Variants in IPO9 observed in about 807,000 individuals in gnomAD.
IPO9 encodes the protein importin-9.
A neutral mutation model predicts 128.6 loss-of-function variants in IPO9; 28 were observed. The observed-to-expected ratio is 0.22, with a 90% CI of 0.16 to 0.30. The LOEUF is 0.30. IPO9 is among the 10% of genes least tolerant of loss of function. The pLI, the probability that IPO9 is intolerant of heterozygous loss-of-function variation, is 1.00. For synonymous variants in IPO9, 455 were observed against 475.8 expected, an observed-to-expected ratio of 0.96 and a Z score of 0.57; for missense variants, 935 against 1,293.9, an observed-to-expected ratio of 0.72 and a Z score of 4.26.
At position 201,881,602 on chromosome 1, in the gene IPO9, G is replaced by A. The variant is rs952782376; in HGVS notation, c.*5548G>A. 1.3e-5 allele frequency: 2 copies of A among 152,196 alleles called. No homozygotes were observed. The highest frequency in any genetic ancestry group is 2.9e-5 in the Non-Finnish European group (2 of 68,044). The allele number at this position is 152,196 out of a possible 1,614,324, so 9.4% of individuals were successfully genotyped here. A position where few individuals can be genotyped will look rare whatever the true frequency, so the allele number is the denominator to read the frequency against. On this transcript the variant is annotated 3_prime_UTR_variant, in exon 24 of 24. Coordinates refer to ENST00000361565, the MANE Select transcript of IPO9 (RefSeq NM_018085.5). ...AATAAAGCTGGAAGGACAAGTGGGG[G>A]GCAGATTGTGAAGGATCCTTCAAGA...
At chr1:201,832,371 GCCT>G (rs1238759261) in intron 1 of IPO9, among the ~76,000 whole-genome samples, 1 of 151,534 alleles carries the variant, frequency 6.6e-6, no homozygotes, top group Non-Finnish European at 1.5e-5. Context: ...CAATTCTCGT[GCCT>G]CAGCCTCCCA....
Position 201,858,481 on chromosome 1 carries a change from C to T in IPO9, c.1256C>T (p.Ala419Val). ...ACAGATTTCCAGAATGAAAGTGCAG[C>T]AGCCCTGGCTGCTGCAGCCACTCGA... ...VATDFQNESAAALAAAATRHL... is the reference protein window; with the variant it reads ...VATDFQNESAVALAAAATRHL... The change falls in exon 12 of 24, where the codon GCA becomes GTA. Residue 419 changes from alanine to valine, a missense_variant. Transcript: ENST00000361565. 3 of 1,588,408 alleles carry T rather than the reference C, an allele frequency of 1.9e-6. No individual in the cohort carries two copies. Among genetic ancestry groups the T allele is most frequent in the Admixed American group, 1.9e-5 (1 of 52,636 alleles).
chr1:201,867,000 A>G, intron 15 of IPO9, 41 bp downstream of exon 15: 3 of 1,485,008 alleles, frequency 2.0e-6, no homozygotes, highest in Non-Finnish European at 2.8e-6. Context: ...GGCACCAAAG[A>G]AAAGGTGGTG....
chr1:201,872,733 A>AT, intron 19 of IPO9, 95 bp from the exon 20 acceptor site: 8 of 1,384,542 alleles, frequency 5.8e-6, no homozygotes, highest in Non-Finnish European at 6.8e-6. Flanking sequence ...AATTTTCACT[A>AT]TCAAATAGAG....
In IPO9 at chr1:201,868,700, T is replaced by G. The variant is rs200854878; in HGVS notation, c.1908T>G (p.Ile636Met). Residue 636 changes from isoleucine to methionine, a missense_variant, in exon 16 of 24, where the codon ATT becomes ATG. By Grantham distance (10) the Ile-to-Met change is conservative. Transcript: ENST00000361565. ...ACATCTTCAAGGAGCTGTCCCAGAT[T>G]GAAGCCTGTCAGGGCCCAATGCAAA... ...AQDIFKELSQIEACQGPMQMR... is the reference protein window; with the variant it reads ...AQDIFKELSQMEACQGPMQMR... The G allele has an allele frequency of 6.2e-7, 1 of 1,614,044 alleles. No homozygotes were observed. The highest frequency in any genetic ancestry group is 1.3e-5 in the African/African-American group (1 of 75,026).
At chr1:201,864,709 T>C (rs934798502) in intron 14 of IPO9, among the ~76,000 whole-genome samples, 1 of 152,210 alleles carries the variant, frequency 6.6e-6, no homozygotes, top group Non-Finnish European at 1.5e-5. Flanking sequence ...TAGACAGCAG[T>C]ACCTATCAGG....
intron 1 of IPO9, among the ~76,000 whole-genome samples, chr1:201,846,219 C>T (rs1341270854): frequency 6.6e-6 from 1 of 152,196 alleles, no homozygotes; most frequent in East Asian, 1.9e-4. Flanking sequence ...TTATTGGAAA[C>T]TACTCATTTG....
At chr1:201,874,739 C>G (rs974200507) in intron 21 of IPO9, 93 bp from the exon 22 acceptor site, 22 of 851,514 alleles carry the variant, frequency 2.6e-5, no homozygotes, top group African/African-American at 1.8e-4. Flanking sequence ...ATTGCAGAAG[C>G]CTTTGGGGCC....
Position 201,852,150 on chromosome 1 carries a change from T to C in IPO9, c.561T>C (p.Pro187=). ...VTDTQMPLVA[P]VILPEMYKIF... ...ACACACAGATGCCACTTGTTGCTCCTGTCATTCTCCCAGAGATGTATAAGA... is the reference window on the plus strand; with the variant it reads ...ACACACAGATGCCACTTGTTGCTCCCGTCATTCTCCCAGAGATGTATAAGA... The change falls in exon 5 of 24, where the codon CCT becomes CCC. Residue 187 remains proline, a synonymous_variant. Coordinates refer to ENST00000361565, the MANE Select transcript of IPO9 (RefSeq NM_018085.5). The C allele has an allele frequency of 1.2e-6, 2 of 1,613,502 alleles. No individual in the cohort carries two copies. Among genetic ancestry groups the C allele is most frequent in the African/African-American group, 1.3e-5 (1 of 75,046 alleles).
At chr1:201,838,016 G>A (rs1679969258) in intron 1 of IPO9, among the ~76,000 whole-genome samples, 1 of 152,206 alleles carries the variant, frequency 6.6e-6, no homozygotes, top group Admixed American at 6.5e-5. Flanking sequence ...GTTGCGGTGA[G>A]CTGAGATTGC....
In IPO9 at chr1:201,855,130, G is replaced by A; in HGVS notation, c.918G>A (p.Val306=). The A allele has an allele frequency of 6.3e-7, 1 of 1,586,550 alleles. No individual in the cohort carries two copies. The highest frequency in any genetic ancestry group is 8.7e-7 in the Non-Finnish European group (1 of 1,155,854). Reference sequence around the variant, plus strand: ...TCTTTACTCTTCATCATACTTATGTGAGGACAGAAGTAAATTACACAGAAG... The same window carrying A: ...TCTTTACTCTTCATCATACTTATGTAAGGACAGAAGTAAATTACACAGAAG... ...NTLTESAAFY[V]RTEVNYTEEV... The change falls in exon 9 of 24, where the codon GTG becomes GTA. Residue 306 remains valine (V), a synonymous_variant. Transcript: ENST00000361565.
At chr1:201,871,853 A>G (rs1041917942) in intron 19 of IPO9, among the ~76,000 whole-genome samples, 4 of 152,180 alleles carry the variant, frequency 2.6e-5, no homozygotes, top group South Asian at 2.1e-4. Flanking sequence ...GGTAGACTAT[A>G]TATTTCTGGT....
intron 13 of IPO9, among the ~76,000 whole-genome samples, chr1:201,860,969 C>T (rs1156372492): frequency 2.0e-5 from 3 of 152,072 alleles, no homozygotes; most frequent in Non-Finnish European, 4.4e-5. Flanking sequence ...AGTTCGAGAC[C>T]AGCCTGGCTA....
chr1:201,883,386 GA>G lies in IPO9; in HGVS notation c.*7333del, dbSNP rs1680926043. The G allele has an allele frequency of 6.6e-6, 1 of 152,156 alleles. No homozygotes were observed. Among genetic ancestry groups the G allele is most frequent in the Non-Finnish European group, 1.5e-5 (1 of 68,080 alleles). 9.4% of individuals were successfully genotyped at this position (152,156 alleles called of 1,614,324 possible). The stretch of plus-strand genomic sequence containing the variant: ...GTAGTTTTCCAAAAGATAAGTAGGG[GA>G]CAAAAAAGTCCACGGGGCCTATGAG... On this transcript the variant is annotated 3_prime_UTR_variant, in exon 24 of 24. Transcript: ENST00000361565.
rs1417054201 is a variant in IPO9, at chr1:201,877,272, G to A, written c.*1218G>A. 6.6e-6 allele frequency: 1 copy of A among 152,004 alleles called. No individual in the cohort carries two copies. Among genetic ancestry groups the A allele is most frequent in the Admixed American group, 6.6e-5 (1 of 15,252 alleles). The allele number at this position is 152,004 out of a possible 1,614,324, so 9.4% of individuals were successfully genotyped here. On this transcript the variant is annotated 3_prime_UTR_variant, in exon 24 of 24. Transcript: ENST00000361565. ...TCCTAGCACTTTGGGAGGCTGAGAT[G>A]GGCGGATCACTTGAGATCAGGAGTT...
chr1:201,845,571 T>C (rs1680111878), intron 1 of IPO9, among the ~76,000 whole-genome samples: 1 of 152,228 alleles, frequency 6.6e-6, no homozygotes, highest in Admixed American at 6.5e-5. Context: ...ATGAGTCATG[T>C]GTGAAATTTT....
rs1023271016 is a variant in IPO9 at position 201,875,145 on chromosome 1, C to T, written c.2939-7C>T. The T allele has an allele frequency of 3.7e-6, 6 of 1,613,624 alleles. No homozygotes were observed. The highest frequency in any genetic ancestry group is 5.1e-6 in the Non-Finnish European group (6 of 1,179,618). ...CTGACCCGCCCTGTGTTGGCTATGT[C>T]TAACAGAGGAGGATTACTACGAGGA... On this transcript the variant is annotated splice_polypyrimidine_tract_variant and splice_region_variant and intron_variant, in intron 22 of 23. Transcript: ENST00000361565.
Position 201,855,127 on chromosome 1 carries a change from T to C in IPO9, c.915T>C (p.Tyr305=), listed in dbSNP as rs369495014. The change falls in exon 9 of 24, where the codon TAT becomes TAC. Residue 305 remains tyrosine, a synonymous_variant. Transcript: ENST00000361565. ...WNTLTESAAF[Y]VRTEVNYTEE... ...ATTTCTTTACTCTTCATCATACTTA[T>C]GTGAGGACAGAAGTAAATTACACAG... is the stretch of plus-strand genomic sequence containing the variant. The C allele has an allele frequency of 2.1e-5, 33 of 1,587,376 alleles. No individual in the cohort carries two copies. The highest frequency in any genetic ancestry group is 1.8e-4 in the Admixed American group (11 of 59,654).
At position 201,877,876 on chromosome 1, in the gene IPO9, A is replaced by T. The variant is rs1281892035; in HGVS notation, c.*1822A>T. On this transcript the variant is annotated 3_prime_UTR_variant, in exon 24 of 24. Coordinates refer to ENST00000361565, the MANE Select transcript of IPO9 (RefSeq NM_018085.5). ...GAGGCAGAGGTTGCAGTAAGCCAAG[A>T]TCGCACCATTGCACTACAGCCTGGG... is the stretch of plus-strand genomic sequence containing the variant. 1 of 152,172 alleles carries T rather than the reference A, an allele frequency of 6.6e-6. No homozygotes were observed. Among genetic ancestry groups the T allele is most frequent in the Non-Finnish European group, 1.5e-5 (1 of 68,130 alleles). 9.4% of individuals were successfully genotyped at this position (152,172 alleles called of 1,614,324 possible). A position where few individuals can be genotyped will look rare whatever the true frequency, so the allele number is the denominator to read the frequency against.
Sources: allele counts gnomAD v4.1 joint callset (sites outside exome capture counted in the v4.1 genomes callset), GRCh38; gene constraint gnomAD v4.1.1; transcripts MANE v1.5; gene names NCBI Gene and HGNC (gene_info 2026-07-23, HGNC 2026-07-21).